Variants in GLG1 observed in about 807,000 individuals in gnomAD.
The protein encoded by GLG1 is Golgi apparatus protein 1.
A neutral mutation model predicts 160.5 loss-of-function variants in GLG1; 38 were observed. That is an observed-to-expected ratio of 0.24 (90% CI 0.18 to 0.31). The LOEUF (loss-of-function observed/expected upper bound fraction) is 0.31, where lower values mean the gene tolerates loss of function less well. Ranked by LOEUF, GLG1 falls within the 10% of genes least tolerant of loss-of-function variation. GLG1 has a pLI of 1.00. For synonymous variants in GLG1, 644 were observed against 543.4 expected, an observed-to-expected ratio of 1.19 and a Z score of -2.57; for missense variants, 1,373 against 1,505.2, an observed-to-expected ratio of 0.91 and a Z score of 1.45.
chr16:74,457,247 A>G (rs2014586364), intron 24 of GLG1, among the ~76,000 whole-genome samples: 1 of 152,064 alleles, frequency 6.6e-6, no homozygotes, highest in African/African-American at 2.4e-5. Flanking sequence ...AAATACAAAA[A>G]TGAGCCAGGC....
chr16:74,520,780 T>C (rs562265784), intron 2 of GLG1, among the ~76,000 whole-genome samples: 137 of 152,354 alleles, frequency 9.0e-4, no homozygotes, highest in African/African-American at 3.2e-3. Context: ...CTAGGAATGC[T>C]AATGGGAAGT....
intron 1 of GLG1, among the ~76,000 whole-genome samples, chr16:74,590,147 G>T (rs1358332735): frequency 1.3e-5 from 2 of 151,714 alleles, no homozygotes; most frequent in Non-Finnish European, 2.9e-5. Context: ...ACAGGCGCAC[G>T]CCACCACACC....
intron 1 of GLG1, among the ~76,000 whole-genome samples, chr16:74,582,367 C>T (rs560112829): frequency 5.9e-5 from 9 of 152,040 alleles, no homozygotes; most frequent in South Asian, 2.1e-4. Context: ...GGTTTCATCA[C>T]GTTGGTCAGG....
At position 74,585,286 on chromosome 16, in the gene GLG1, G is replaced by A. The variant is rs1274003251; in HGVS notation, c.438+21371C>T. On this transcript the variant is annotated intron_variant, in intron 1 of 25. Transcript: ENST00000422840. ...TACCTGGGCGTGGTGGCACACACCT[G>A]TAGTCCCAGCTACTCGGGAGACTGA... Among the ~76,000 whole-genome samples, 4 of 152,112 alleles carry A rather than the reference G, an allele frequency of 2.6e-5. No homozygotes were observed. The East Asian group carries it at 5.8e-4, about 22-fold the overall frequency.
intron 2 of GLG1, among the ~76,000 whole-genome samples, chr16:74,524,761 C>T (rs1470759553): frequency 6.6e-6 from 1 of 152,064 alleles, no homozygotes; most frequent in Non-Finnish European, 1.5e-5. Flanking sequence ...TTGTAAAATT[C>T]GCCCTTCCAG....
rs1354435263 is a variant in GLG1, at chr16:74,477,290, C to G, written c.1965+106G>C. ...TATTGAACAATACAACAAATCACATCTGTAAGGTAAAGAGAGATGGATTTT... is the reference window on the plus strand; with the variant it reads ...TATTGAACAATACAACAAATCACATGTGTAAGGTAAAGAGAGATGGATTTT... On this transcript the variant is annotated intron_variant, in intron 12 of 25. Transcript: ENST00000422840. 2.9e-5 allele frequency: 26 copies of G among 906,782 alleles called. 1 individual carries two copies. The Admixed American group carries it at 4.8e-4, about 17-fold the overall frequency. The allele number at this position is 906,782 out of a possible 1,614,324, so 56.2% of individuals were successfully genotyped here. A position where few individuals can be genotyped will look rare whatever the true frequency, so the allele number is the denominator to read the frequency against.
At chr16:74,551,026 A>G (rs1428599036) in intron 1 of GLG1, among the ~76,000 whole-genome samples, 2 of 152,158 alleles carry the variant, frequency 1.3e-5, no homozygotes, top group Non-Finnish European at 2.9e-5. Flanking sequence ...CGGACAACTT[A>G]TTTAACCCTT....
intron 1 of GLG1, among the ~76,000 whole-genome samples, chr16:74,562,921 T>C (rs1221108806): frequency 1.3e-5 from 2 of 152,142 alleles, no homozygotes; most frequent in Non-Finnish European, 2.9e-5. Flanking sequence ...CCTCAAACAC[T>C]GGGTCAATTG....
Position 74,453,027 on chromosome 16 carries a change from CAACGCAGTGGACATCTGCTAATGCTCT to C in GLG1, c.*113_*139del, listed in dbSNP as rs1157013692. ...GGACACGAGTGGAGGCTGGATGGGA[CAACGCAGTGGACATCTGCTAATGCTCT>C]AACACGGGGTTGGTGTCACTTCTGA... On this transcript the variant is annotated 3_prime_UTR_variant, in exon 26 of 26. Coordinates refer to ENST00000422840, the MANE Select transcript of GLG1 (RefSeq NM_001145667.2). 23 of 1,438,954 alleles carry C rather than the reference CAACGCAGTGGACATCTGCTAATGCTCT, an allele frequency of 1.6e-5. No homozygotes were observed. The highest frequency in any genetic ancestry group is 2.0e-5 in the Non-Finnish European group (22 of 1,094,846). The allele number at this position is 1,438,954 out of a possible 1,614,324, so 89.1% of individuals were successfully genotyped here.
intron 4 of GLG1, 22 bp downstream of exon 4, chr16:74,503,509 A>C (rs2016488570): frequency 6.7e-7 from 1 of 1,485,816 alleles, no homozygotes; most frequent in African/African-American, 1.4e-5. Flanking sequence ...CCCTTTGTTG[A>C]AGCTAACGTA....
At chr16:74,462,782 T>C (rs1176649181) in intron 20 of GLG1, 152 bp from the exon 21 acceptor site, 2 of 700,064 alleles carry the variant, frequency 2.9e-6, no homozygotes, top group Non-Finnish European at 4.9e-6. Context: ...GAGCTCTCAC[T>C]ACACTGTTTT....
At chr16:74,477,900 G>C (rs2015444554) in intron 11 of GLG1, among the ~76,000 whole-genome samples, 1 of 151,758 alleles carries the variant, frequency 6.6e-6, no homozygotes, top group Non-Finnish European at 1.5e-5. Context: ...TTGAACCCGG[G>C]AGGTGGACAT....
At chr16:74,606,257 A>AT (rs1329946298) in intron 1 of GLG1, among the ~76,000 whole-genome samples, 1 of 152,206 alleles carries the variant, frequency 6.6e-6, no homozygotes, top group East Asian at 1.9e-4. Context: ...TACGCCAGGC[A>AT]TTTTTTTATG....
chr16:74,521,825 G>A (rs759090196), intron 2 of GLG1, among the ~76,000 whole-genome samples: 7 of 152,152 alleles, frequency 4.6e-5, no homozygotes, highest in Non-Finnish European at 1.0e-4. Context: ...CCCCATGGCC[G>A]TTGTGACTAT....
chr16:74,469,053 C>T lies in GLG1; in HGVS notation c.2329G>A (p.Val777Met), dbSNP rs765766001. 2 of 1,612,502 alleles carry T rather than the reference C, an allele frequency of 1.2e-6. No individual in the cohort carries two copies. Among genetic ancestry groups the T allele is most frequent in the Non-Finnish European group, 1.7e-6 (2 of 1,178,472 alleles). Residue 777 changes from valine (V) to methionine (M), a missense_variant, in exon 17 of 26, where the codon GTG becomes ATG. Around this residue, in one of 4 missense-constraint regions of GLG1, gnomAD observed 491 missense variants for 632.1 expected, o/e 0.78. Transcript: ENST00000422840. ...CPNIKKKVDV[V>M]ICLSTTVRND... The stretch of plus-strand genomic sequence containing the variant: ...CGCACGGTCGTGCTCAGGCAGATCA[C>T]CACGTCCACCCTGCAGACGAAAGAA...
intron 2 of GLG1, among the ~76,000 whole-genome samples, chr16:74,509,827 C>T (rs1158985947): frequency 6.9e-6 from 1 of 144,532 alleles, no homozygotes; most frequent in Admixed American, 7.0e-5. Context: ...CCAGGATGGG[C>T]AACAGAGCAA....
intron 1 of GLG1, among the ~76,000 whole-genome samples, chr16:74,549,024 CTTAAT>C (rs1457438674): frequency 6.6e-6 from 1 of 152,100 alleles, no homozygotes; most frequent in Non-Finnish European, 1.5e-5. Flanking sequence ...CCAAACAACA[CTTAAT>C]TTTTCAGTCA....
At chr16:74,577,514 C>T (rs2019038828) in intron 1 of GLG1, among the ~76,000 whole-genome samples, 1 of 111,826 alleles carries the variant, frequency 8.9e-6, no homozygotes, top group Admixed American at 9.7e-5. Flanking sequence ...AAGAGTGAAA[C>T]TCCATCTCAA....
rs1476627398 is a variant in GLG1 at position 74,462,490 on chromosome 16, G to C, written c.2932C>G (p.Gln978Glu). The C allele has an allele frequency of 6.2e-7, 1 of 1,613,294 alleles. No individual in the cohort carries two copies. The change falls in exon 21 of 26, where the codon CAG becomes GAG. Residue 978 changes from glutamine to glutamate, a missense_variant and splice_region_variant. By Grantham distance (29) the Gln-to-Glu change is conservative. Around this residue, in one of 4 missense-constraint regions of GLG1, gnomAD observed 491 missense variants for 632.1 expected, o/e 0.78. Transcript: ENST00000422840. ...GTGGAGAGCCCAGGCCAGTTTACCT[G>C]GTCAGCATATCTCAGCTTCAGGCAA... The part of the protein sequence containing the change: ...ISCLKLRYAD[Q>E]RLSSDCEDQI...
Sources: gnomAD v4.1 joint callset for allele counts (sites outside exome capture counted in the v4.1 genomes callset) on GRCh38, gnomAD v4.1.1 for gene constraint, gnomAD v4.1.1 regional missense constraint, MANE v1.5 for transcripts, NCBI Gene and HGNC (gene_info 2026-07-23, HGNC 2026-07-21) for gene names.